The following UPF2 variants were observed in gnomAD, a reference collection of about 807,000 sequenced individuals.
UPF2 encodes UPF2 regulator of nonsense mediated mRNA decay.
UPF2 carries 17 observed loss-of-function variants against 141.4 expected under a neutral mutation model. The observed-to-expected ratio is 0.12, with a 90% CI of 0.08 to 0.18. The LOEUF (loss-of-function observed/expected upper bound fraction) is 0.18. UPF2 is among the 10% of genes least tolerant of loss of function. The pLI is 1.00. For missense variants in UPF2, 1,152 were observed against 1,515.9 expected (o/e 0.76, Z 3.99); for synonymous variants, 540 against 498.0 (o/e 1.08, Z -1.12).
intron 9 of UPF2, among the ~76,000 whole-genome samples, chr10:11,973,338 T>A (rs1256794823): frequency 6.6e-6 from 1 of 152,254 alleles, no homozygotes; most frequent in Admixed American, 6.5e-5. Context: ...GTAGGTTGCC[T>A]ATTCACTCTG....
At chr10:11,982,936 T>A (rs1365165815) in intron 8 of UPF2, among the ~76,000 whole-genome samples, 1 of 152,132 alleles carries the variant, frequency 6.6e-6, no homozygotes, top group African/African-American at 2.4e-5. Context: ...GCACTACTTT[T>A]AAAAATGGAA....
At chr10:11,932,930 CTA>C (rs775389816) in intron 19 of UPF2, among the ~76,000 whole-genome samples, 21 of 152,194 alleles carry the variant, frequency 1.4e-4, no homozygotes, top group Non-Finnish European at 1.8e-4. Context: ...TTAAACTATA[CTA>C]TGTTATGCAT....
At position 12,016,065 on chromosome 10, in the gene UPF2, G is replaced by A. The variant is rs1313629066; in HGVS notation, c.1146-1881C>T. On this transcript the variant is annotated intron_variant, in intron 3 of 21. Coordinates refer to ENST00000357604, the MANE Select transcript of UPF2 (RefSeq NM_015542.4). The surrounding 1 kb of genome is among the most constrained non-coding windows in gnomAD (Gnocchi z 4.1). The stretch of plus-strand genomic sequence containing the variant: ...AACAAAATTTTTTCAGTAATTTTGT[G>A]AATGAATTTTAAAAATTAAAACAAA... Among the ~76,000 whole-genome samples, 1 of 151,976 alleles carries A rather than the reference G, an allele frequency of 6.6e-6. No homozygotes were observed. Among genetic ancestry groups the A allele is most frequent in the African/African-American group, 2.4e-5 (1 of 41,356 alleles).
chr10:11,967,675 G>C (rs567140527), intron 9 of UPF2, among the ~76,000 whole-genome samples: 1 of 148,320 alleles, frequency 6.7e-6, no homozygotes, highest in African/African-American at 2.5e-5. Flanking sequence ...TCACCCTCCC[G>C]AGTAGCTGGG....
At chr10:12,004,945 T>C (rs1393966770) in intron 4 of UPF2, among the ~76,000 whole-genome samples, 1 of 152,128 alleles carries the variant, frequency 6.6e-6, no homozygotes. Context: ...GAGAACAACA[T>C]AAAGATTTTT....
intron 21 of UPF2, chr10:11,923,101 C>T (rs1391303406): frequency 6.6e-6 from 1 of 152,194 alleles, no homozygotes; most frequent in Non-Finnish European, 1.5e-5. Flanking sequence ...ATAGTATACT[C>T]CTATGCCGCT....
At chr10:11,990,989 CAA>C (rs34436794) in intron 8 of UPF2, among the ~76,000 whole-genome samples, 1,723 of 93,188 alleles carry the variant, frequency 0.018, 15 homozygotes, top group African/African-American at 0.032. Flanking sequence ...GACTCCATCT[CAA>C]AAAAAAAAAA....
chr10:12,034,955 T>C, intron 2 of UPF2, 104 bp downstream of exon 2: 1 of 1,467,400 alleles, frequency 6.8e-7, no homozygotes, highest in South Asian at 1.4e-5. Context: ...TCCCAATTCT[T>C]AAAGAGCTGC....
intron 8 of UPF2, among the ~76,000 whole-genome samples, chr10:11,997,322 C>G: frequency 6.6e-6 from 1 of 152,110 alleles, no homozygotes; most frequent in East Asian, 1.9e-4. Context: ...TTACCCTCAT[C>G]TTTGCACAAA....
At chr10:12,011,948 A>T (rs556834118) in intron 4 of UPF2, among the ~76,000 whole-genome samples, 12 of 151,932 alleles carry the variant, frequency 7.9e-5, no homozygotes, top group African/African-American at 1.4e-4. Context: ...TCTGTCTCAA[A>T]AATAATAATA....
chr10:11,977,062 C>G (rs899636399), intron 9 of UPF2, among the ~76,000 whole-genome samples: 20 of 152,148 alleles, frequency 1.3e-4, no homozygotes, highest in African/African-American at 4.8e-4. Flanking sequence ...TGCAGAGACA[C>G]CAACTAACAG....
intron 21 of UPF2, among the ~76,000 whole-genome samples, chr10:11,927,900 C>T (rs1832732343): frequency 6.6e-6 from 1 of 152,130 alleles, no homozygotes; most frequent in African/African-American, 2.4e-5. Flanking sequence ...TACATTTTCC[C>T]CCATGCTACC....
chr10:11,941,523 G>A (rs950443352), intron 18 of UPF2, among the ~76,000 whole-genome samples: 1 of 151,844 alleles, frequency 6.6e-6, no homozygotes. Flanking sequence ...CTAAAGGACT[G>A]CTCCATGAGC....
intron 3 of UPF2, among the ~76,000 whole-genome samples, chr10:12,017,854 T>C (rs1834250707): frequency 6.6e-6 from 1 of 152,186 alleles, no homozygotes; most frequent in Non-Finnish European, 1.5e-5. Context: ...CAACCTGTCA[T>C]CTACGTTAGG....
chr10:11,966,965 C>G (rs770921163), intron 10 of UPF2, among the ~76,000 whole-genome samples: 1 of 152,104 alleles, frequency 6.6e-6, no homozygotes, highest in Non-Finnish European at 1.5e-5. Context: ...ACAGAGAAAC[C>G]AGCTTTCATT....
In UPF2 at chr10:11,956,252, T is replaced by C. The variant is rs1446390802; in HGVS notation, c.2574+68A>G. 2.8e-6 allele frequency: 4 copies of C among 1,437,020 alleles called. No homozygotes were observed. The highest frequency in any genetic ancestry group is 3.9e-6 in the Non-Finnish European group (4 of 1,024,558). The allele number at this position is 1,437,020 out of a possible 1,614,324, so 89.0% of individuals were successfully genotyped here. ...CAGATTCCTATAACTTGAGTCTCAATAGTAACCTAGAAATAATAAATTCTC... is the reference window on the plus strand; with the variant it reads ...CAGATTCCTATAACTTGAGTCTCAACAGTAACCTAGAAATAATAAATTCTC... On this transcript the variant is annotated intron_variant, in intron 13 of 21. Coordinates refer to ENST00000357604, the MANE Select transcript of UPF2 (RefSeq NM_015542.4). This position sits in a 1 kb window ranked among gnomAD's most constrained non-coding sequence, Gnocchi z 4.2.
intron 8 of UPF2, among the ~76,000 whole-genome samples, chr10:11,993,206 T>C (rs1297095057): frequency 6.9e-6 from 1 of 144,796 alleles, no homozygotes; most frequent in Non-Finnish European, 1.5e-5. Flanking sequence ...ATCAGATGAG[T>C]TGGAATTCAG....
intron 11 of UPF2, among the ~76,000 whole-genome samples, chr10:11,962,733 C>CG (rs971980797): frequency 1.3e-5 from 2 of 152,212 alleles, no homozygotes; most frequent in African/African-American, 4.8e-5. Flanking sequence ...GAAAAAAACT[C>CG]AAGCTCCTTA....
At position 11,942,776 on chromosome 10, in the gene UPF2, AAAC is replaced by A. The variant is rs761125984; in HGVS notation, c.3280-16_3280-14del. ...TAATCATTACCTCCTTATTAAAACAAAACAACAAAATCAGACCAGAAATTTTAA... is the reference window on the plus strand; with the variant it reads ...TAATCATTACCTCCTTATTAAAACAAAACAAAATCAGACCAGAAATTTTAA... On this transcript the variant is annotated splice_polypyrimidine_tract_variant and intron_variant, in intron 17 of 21. Transcript: ENST00000357604. 50 of 1,610,194 alleles carry A rather than the reference AAAC, an allele frequency of 3.1e-5. No individual in the cohort carries two copies. The highest frequency in any genetic ancestry group is 5.3e-5 in the African/African-American group (4 of 74,840).
Sources: allele counts gnomAD v4.1 joint callset (sites outside exome capture counted in the v4.1 genomes callset), GRCh38; gene constraint gnomAD v4.1.1; non-coding constraint Gnocchi (gnomAD v3.1); transcripts MANE v1.5; gene names NCBI Gene and HGNC (gene_info 2026-07-23, HGNC 2026-07-21).